ABCC1: variants seen among roughly 807,000 people sequenced by gnomAD.
ABCC1 encodes the protein ATP binding cassette subfamily C member 1 (ABCC1 blood group), also known as multidrug resistance-associated protein 1.
A neutral mutation model predicts 172.9 loss-of-function variants in ABCC1; 83 were observed. That is an observed-to-expected ratio of 0.48 (90% CI 0.40 to 0.58). The LOEUF is 0.58. ABCC1 is among the 20% of genes least tolerant of loss of function. The probability of loss-of-function intolerance (pLI) is 0.00; values close to 1 mark genes in which losing one functional copy is unlikely to be tolerated. For synonymous variants in ABCC1, 937 were observed against 825.2 expected, an observed-to-expected ratio of 1.14 and a Z score of -2.32; for missense variants, 1,817 against 2,002.7, an observed-to-expected ratio of 0.91 and a Z score of 1.77.
chr16:16,019,506 G>C (rs1380424276), intron 5 of ABCC1, among the ~76,000 whole-genome samples: 5 of 152,144 alleles, frequency 3.3e-5, no homozygotes, highest in Non-Finnish European at 7.3e-5. Context: ...GGTTGGGGCT[G>C]CCTGGCTGGC....
intron 19 of ABCC1, among the ~76,000 whole-genome samples, chr16:16,095,948 C>A (rs148061056): frequency 6.6e-6 from 1 of 152,166 alleles, no homozygotes; most frequent in African/African-American, 2.4e-5. Flanking sequence ...ATGTGCTCAT[C>A]GTAGACATTT....
chr16:16,050,976 G>A (rs985635756), intron 10 of ABCC1, among the ~76,000 whole-genome samples: 36 of 152,020 alleles, frequency 2.4e-4, no homozygotes, highest in African/African-American at 8.7e-4. Flanking sequence ...TTGTAAAAGT[G>A]CTACTATGGG....
chr16:15,951,420 A>C (rs566246232), intron 1 of ABCC1, among the ~76,000 whole-genome samples: 25 of 151,366 alleles, frequency 1.7e-4, no homozygotes, highest in South Asian at 4.2e-4. Context: ...TTTTCTTTTT[A>C]TTTTTTCCTT....
intron 12 of ABCC1, among the ~76,000 whole-genome samples, chr16:16,062,248 C>A (rs937213281): frequency 1.3e-5 from 2 of 152,248 alleles, no homozygotes; most frequent in African/African-American, 4.8e-5. Flanking sequence ...TCCAGGCTGT[C>A]ACCAAACTTT....
intron 6 of ABCC1, among the ~76,000 whole-genome samples, chr16:16,035,204 C>A (rs942428966): frequency 2.0e-5 from 3 of 152,056 alleles, no homozygotes; most frequent in African/African-American, 7.2e-5. Flanking sequence ...GAGTTCGAGA[C>A]CAGCCTGGCC....
chr16:16,029,898 C>A (rs1235230939), intron 5 of ABCC1, among the ~76,000 whole-genome samples: 4 of 152,064 alleles, frequency 2.6e-5, no homozygotes, highest in Non-Finnish European at 5.9e-5. Flanking sequence ...AATAATAATT[C>A]ATTATTATCA....
chr16:16,125,663 C>T (rs1418265713), intron 25 of ABCC1, 147 bp from the exon 26 acceptor site: 9 of 590,824 alleles, frequency 1.5e-5, no homozygotes, highest in Admixed American at 3.0e-5. Context: ...AAACCCCTGA[C>T]CTCAGGTGAT....
intron 10 of ABCC1, among the ~76,000 whole-genome samples, chr16:16,051,918 C>T (rs540297224): frequency 6.6e-6 from 1 of 152,298 alleles, no homozygotes; most frequent in South Asian, 2.1e-4. Context: ...CACTTTTCTG[C>T]TTACTACCTT....
At position 16,083,692 on chromosome 16, in the gene ABCC1, T is replaced by C. The variant is rs913610551; in HGVS notation, c.2292+150T>C. On this transcript the variant is annotated intron_variant, in intron 17 of 30. Transcript: ENST00000399410. ...GCTCTGCTGCACGCTGCAGGCCAGC[T>C]GAACTTGGGTCCAGGCTGTGGGTGT... is the stretch of plus-strand genomic sequence containing the variant. 5 of 1,001,212 alleles carry C rather than the reference T, an allele frequency of 5.0e-6. No individual in the cohort carries two copies. In the African/African-American group the frequency reaches 8.1e-5, roughly 16 times the overall value. 62.0% of individuals were successfully genotyped at this position (1,001,212 alleles called of 1,614,324 possible). A position where few individuals can be genotyped will look rare whatever the true frequency, so the allele number is the denominator to read the frequency against.
Position 16,048,001 on chromosome 16 carries a change from A to G in ABCC1, c.1219-141A>G, listed in dbSNP as rs1390795645. 11 of 1,092,706 alleles carry G rather than the reference A, an allele frequency of 1.0e-5. No individual in the cohort carries two copies. The African/African-American group carries it at 1.4e-4, about 14-fold the overall frequency. 67.7% of individuals were successfully genotyped at this position (1,092,706 alleles called of 1,614,324 possible). On this transcript the variant is annotated intron_variant, in intron 9 of 30. Coordinates refer to ENST00000399410, the MANE Select transcript of ABCC1 (RefSeq NM_004996.4). ...GAGATGACACAGGCGTCCTGGGCAG[A>G]CAGATAGGTCGGGAGGGGAGGAGGA...
chr16:16,107,009 A>G, intron 21 of ABCC1, 136 bp downstream of exon 21: 1 of 1,298,512 alleles, frequency 7.7e-7, no homozygotes, highest in Non-Finnish European at 1.1e-6. Context: ...TACTATTTGC[A>G]GCACCAGAAA....
At chr16:16,104,497 T>C (rs1015043051) in intron 20 of ABCC1, among the ~76,000 whole-genome samples, 2 of 152,194 alleles carry the variant, frequency 1.3e-5, no homozygotes, top group African/African-American at 4.8e-5. Context: ...TTGGTGTGTT[T>C]ACAAACCTTG....
intron 23 of ABCC1, among the ~76,000 whole-genome samples, chr16:16,121,215 T>A (rs752939750): frequency 1.3e-5 from 2 of 152,164 alleles, no homozygotes; most frequent in Non-Finnish European, 1.5e-5. Context: ...CTTAATAATA[T>A]TTTATTTTTG....
At chr16:16,123,964 CT>C (rs1488270244) in intron 24 of ABCC1, among the ~76,000 whole-genome samples, 1 of 152,148 alleles carries the variant, frequency 6.6e-6, no homozygotes, top group Admixed American at 6.5e-5. Flanking sequence ...CGGCAGTGAG[CT>C]GTGATCATGT....
At chr16:16,078,451 T>C (rs1336050060) in intron 15 of ABCC1, among the ~76,000 whole-genome samples, 1 of 152,212 alleles carries the variant, frequency 6.6e-6, no homozygotes, top group Non-Finnish European at 1.5e-5. Flanking sequence ...TTTATTCATA[T>C]GCGTTTCCCT....
At chr16:16,140,393 G>C (rs1420815337) in intron 30 of ABCC1, among the ~76,000 whole-genome samples, 4 of 152,142 alleles carry the variant, frequency 2.6e-5, no homozygotes, top group Non-Finnish European at 5.9e-5. Context: ...CTGTCGCCCA[G>C]GCTGGAGTGC....
chr16:16,140,268 G>A (rs2046078789), intron 30 of ABCC1, among the ~76,000 whole-genome samples: 3 of 152,146 alleles, frequency 2.0e-5, no homozygotes, highest in South Asian at 2.1e-4. Flanking sequence ...ATGTAACCAC[G>A]GTGAGAAGCT....
intron 5 of ABCC1, among the ~76,000 whole-genome samples, chr16:16,026,893 G>C (rs1242542163): frequency 6.6e-6 from 1 of 152,098 alleles, no homozygotes; most frequent in African/African-American, 2.4e-5. Context: ...CTCCAGCCTG[G>C]GCGACAGAGT....
At position 16,131,780 on chromosome 16, in the gene ABCC1, C is replaced by A. The variant is rs200660372; in HGVS notation, c.3820-9C>A. 2 of 1,612,372 alleles carry A rather than the reference C, an allele frequency of 1.2e-6. No individual in the cohort carries two copies. The highest frequency in any genetic ancestry group is 1.7e-6 in the Non-Finnish European group (2 of 1,179,298). On this transcript the variant is annotated splice_polypyrimidine_tract_variant and intron_variant, in intron 26 of 30. Coordinates refer to ENST00000399410, the MANE Select transcript of ABCC1 (RefSeq NM_004996.4). ...AATTCCTTACTCTCTCCCTTCACTG[C>A]GATCGAAGGCGCCCTGGCAAATCCA...
Sources: gnomAD v4.1 joint callset for allele counts (sites outside exome capture counted in the v4.1 genomes callset) on GRCh38, gnomAD v4.1.1 for gene constraint, MANE v1.5 for transcripts, NCBI Gene and HGNC (gene_info 2026-07-23, HGNC 2026-07-21) for gene names.